The following IQCK variants were observed in gnomAD, a reference collection of about 807,000 sequenced individuals.
IQCK encodes IQ domain-containing protein K.
A neutral mutation model predicts 28.1 loss-of-function variants in IQCK; 29 were observed. The observed-to-expected ratio is 1.03, with a 90% CI of 0.77 to 1.41. IQCK has a LOEUF of 1.41. IQCK is among the 40% of genes most tolerant of loss of function. The pLI is 0.00. For synonymous variants in IQCK, 113 were observed against 115.1 expected (o/e 0.98, Z 0.12); for missense variants, 359 against 314.7 (o/e 1.14, Z -1.07).
At chr16:19,771,495 A>G (rs1287840492) in intron 6 of IQCK, among the ~76,000 whole-genome samples, 1 of 152,214 alleles carries the variant, frequency 6.6e-6, no homozygotes, top group Non-Finnish European at 1.5e-5. Context: ...TCTCTTAGAG[A>G]TCACCTACAT....
chr16:19,769,340 T>C (rs1450982027), intron 6 of IQCK, among the ~76,000 whole-genome samples: 3 of 152,232 alleles, frequency 2.0e-5, no homozygotes, highest in African/African-American at 7.2e-5. Context: ...CATCACAGCA[T>C]GTCTGTCTCT....
intron 4 of IQCK, among the ~76,000 whole-genome samples, chr16:19,748,691 C>G (rs1490447057): frequency 6.6e-6 from 1 of 152,124 alleles, no homozygotes; most frequent in East Asian, 1.9e-4. Flanking sequence ...AATTCTCTTA[C>G]TGCATTCTGG....
At chr16:19,841,100 A>G (rs2056358193) in intron 9 of IQCK, among the ~76,000 whole-genome samples, 2 of 152,214 alleles carry the variant, frequency 1.3e-5, no homozygotes, top group Admixed American at 1.3e-4. Flanking sequence ...TCTCTTTTAA[A>G]TTATCTTTTT....
At chr16:19,730,598 A>G in intron 2 of IQCK, 104 bp downstream of exon 2, 1 of 858,406 alleles carries the variant, frequency 1.2e-6, no homozygotes, top group South Asian at 2.8e-5. Flanking sequence ...GGAGGTGGGA[A>G]AGGGAAGGCA....
chr16:19,814,952 A>G (rs1357155818), intron 7 of IQCK, among the ~76,000 whole-genome samples: 1 of 151,724 alleles, frequency 6.6e-6, no homozygotes, highest in Non-Finnish European at 1.5e-5. Flanking sequence ...ACACTTGTCT[A>G]AAATTTAGTT....
intron 3 of IQCK, among the ~76,000 whole-genome samples, chr16:19,734,459 CAA>C (rs34178017): frequency 2.2e-4 from 11 of 50,228 alleles, no homozygotes; most frequent in Admixed American, 4.6e-4. Context: ...GACTCCATCA[CAA>C]AAAAAAAAAA....
intron 7 of IQCK, among the ~76,000 whole-genome samples, chr16:19,821,111 G>T (rs1395812649): frequency 6.6e-6 from 1 of 152,108 alleles, no homozygotes. Flanking sequence ...AGAAGAATGA[G>T]GTGGGAGGAT....
chr16:19,764,727 G>T, intron 6 of IQCK, among the ~76,000 whole-genome samples: 1 of 139,032 alleles, frequency 7.2e-6, no homozygotes. Flanking sequence ...GTCTTGCTCT[G>T]TCACCCAGGC....
chr16:19,810,314 G>T (rs1011111739), intron 7 of IQCK, among the ~76,000 whole-genome samples: 5 of 151,404 alleles, frequency 3.3e-5, no homozygotes, highest in African/African-American at 1.2e-4. Flanking sequence ...GGCTAACACG[G>T]TGAAACCCTG....
intron 6 of IQCK, among the ~76,000 whole-genome samples, chr16:19,783,278 C>T (rs1297206748): frequency 5.3e-5 from 8 of 152,018 alleles, no homozygotes; most frequent in African/African-American, 1.5e-4. Flanking sequence ...GGATTACAGG[C>T]GGGAGCCACC....
intron 6 of IQCK, among the ~76,000 whole-genome samples, chr16:19,779,501 A>G (rs1361231585): frequency 1.3e-5 from 2 of 152,100 alleles, no homozygotes. Context: ...TAAAAATATG[A>G]AAAGTTTTTT....
At chr16:19,761,187 C>G (rs1459806968) in intron 4 of IQCK, 2 of 337,182 alleles carry the variant, frequency 5.9e-6, no homozygotes, top group Non-Finnish European at 1.2e-5. Flanking sequence ...TACCCAGCCC[C>G]TATTCAAGAT....
chr16:19,743,318 TG>T (rs1275924696), intron 4 of IQCK, among the ~76,000 whole-genome samples: 1 of 152,230 alleles, frequency 6.6e-6, no homozygotes, highest in Non-Finnish European at 1.5e-5. Context: ...CTGCAGTGAC[TG>T]GATCTACTGC....
At chr16:19,841,149 C>T (rs1168970132) in intron 9 of IQCK, among the ~76,000 whole-genome samples, 2 of 152,188 alleles carry the variant, frequency 1.3e-5, no homozygotes, top group Non-Finnish European at 2.9e-5. Flanking sequence ...CAAAGCAATA[C>T]ATTCTCATTA....
intron 9 of IQCK, among the ~76,000 whole-genome samples, chr16:19,839,922 G>A (rs2056345391): frequency 6.6e-6 from 1 of 152,092 alleles, no homozygotes; most frequent in Non-Finnish European, 1.5e-5. Context: ...TTAAAGCTCA[G>A]GAGGTTGAGG....
intron 7 of IQCK, among the ~76,000 whole-genome samples, chr16:19,813,073 T>C (rs554630855): frequency 6.6e-6 from 1 of 152,358 alleles, no homozygotes; most frequent in African/African-American, 2.4e-5. Context: ...TTCTGATCCA[T>C]GGACCATATT....
intron 6 of IQCK, among the ~76,000 whole-genome samples, chr16:19,777,872 G>A (rs1413039477): frequency 1.3e-5 from 2 of 152,144 alleles, no homozygotes; most frequent in African/African-American, 2.4e-5. Flanking sequence ...CCAACGTGGT[G>A]AAACCCCATC....
At chr16:19,766,077 T>C (rs2055232443) in intron 6 of IQCK, 1 of 152,190 alleles carries the variant, frequency 6.6e-6, no homozygotes, top group South Asian at 2.1e-4. Context: ...ACACAAGAGC[T>C]CTTGCTTTAA....
chr16:19,857,281 G>C, exon 10 of IQCK: 3 of 333,264 alleles, frequency 9.0e-6, no homozygotes, highest in South Asian at 7.3e-5. Flanking sequence ...GTTTTGACAA[G>C]CTACCACACG....
Sources: allele counts gnomAD v4.1 joint callset (sites outside exome capture counted in the v4.1 genomes callset), GRCh38; gene constraint gnomAD v4.1.1; transcripts MANE v1.5; gene names NCBI Gene and HGNC (gene_info 2026-07-23, HGNC 2026-07-21).